RIMS1: variants seen among roughly 807,000 people sequenced by gnomAD.
RIMS1 encodes the protein regulating synaptic membrane exocytosis 1.
RIMS1 carries 83 observed loss-of-function variants against 214.1 expected under a neutral mutation model. That is an observed-to-expected ratio of 0.39 (90% confidence interval 0.32 to 0.47). RIMS1 has a LOEUF of 0.47. Ranked by LOEUF, RIMS1 falls within the 20% of genes least tolerant of loss-of-function variation. The probability of loss-of-function intolerance (pLI) is 0.99; values close to 1 mark genes in which losing one functional copy is unlikely to be tolerated. For synonymous variants in RIMS1, 793 were observed against 786.8 expected, an observed-to-expected ratio of 1.01 and a Z score of -0.13; for missense variants, 2,050 against 2,161.8, an observed-to-expected ratio of 0.95 and a Z score of 1.03.
chr6:72,320,869 C>T (rs981532953), intron 28 of RIMS1, among the ~76,000 whole-genome samples: 1 of 151,848 alleles, frequency 6.6e-6, no homozygotes, highest in African/African-American at 2.4e-5. Context: ...GATATATGTT[C>T]AATTTAAAGC....
At chr6:71,956,836 C>A (rs1224817057) in intron 1 of RIMS1, among the ~76,000 whole-genome samples, 1 of 152,150 alleles carries the variant, frequency 6.6e-6, no homozygotes, top group African/African-American at 2.4e-5. Context: ...TTCCCAAACA[C>A]CTGCTTGAAC....
At chr6:71,980,318 T>C (rs1798172846) in intron 2 of RIMS1, among the ~76,000 whole-genome samples, 1 of 152,140 alleles carries the variant, frequency 6.6e-6, no homozygotes, top group Admixed American at 6.6e-5. Flanking sequence ...TGCAGTGAAT[T>C]AATGTGTATT....
intron 7 of RIMS1, among the ~76,000 whole-genome samples, chr6:72,234,275 G>A (rs541944428): frequency 6.6e-6 from 1 of 152,038 alleles, no homozygotes; most frequent in South Asian, 2.1e-4. Context: ...ATAAGCCAAG[G>A]ATGGAGTCCA....
At chr6:72,049,665 G>C (rs186955264) in intron 2 of RIMS1, among the ~76,000 whole-genome samples, 1 of 152,088 alleles carries the variant, frequency 6.6e-6, no homozygotes, top group Non-Finnish European at 1.5e-5. Context: ...AAGACTTTGC[G>C]TATAATTTTT....
chr6:72,119,406 T>G (rs2037755772), intron 4 of RIMS1, among the ~76,000 whole-genome samples: 1 of 151,702 alleles, frequency 6.6e-6, no homozygotes. Context: ...ATCTACAGAT[T>G]TAGGGCAATT....
At position 72,362,775 on chromosome 6, in the gene RIMS1, C is replaced by A. The variant is rs947151027; in HGVS notation, c.4367-27823C>A. Reference sequence around the variant, plus strand: ...TTCATCTTTATTCATTTATTTATGTCATTTTCCCTATAGTTCAGTTGTTCA... The same window carrying A: ...TTCATCTTTATTCATTTATTTATGTAATTTTCCCTATAGTTCAGTTGTTCA... On this transcript the variant is annotated intron_variant, in intron 29 of 33. Coordinates refer to ENST00000521978, the MANE Select transcript of RIMS1 (RefSeq NM_014989.7). Among the ~76,000 whole-genome samples the A allele has an allele frequency of 7.5e-4, 114 of 152,142 alleles. 1 individual carries two copies. The highest frequency in any genetic ancestry group is 2.6e-3 in the African/African-American group (107 of 41,428).
chr6:72,180,981 G>C (rs2048331473), intron 5 of RIMS1, among the ~76,000 whole-genome samples: 1 of 152,192 alleles, frequency 6.6e-6, no homozygotes, highest in African/African-American at 2.4e-5. Flanking sequence ...GGCTTTCAGT[G>C]AATGTAGCTA....
intron 4 of RIMS1, among the ~76,000 whole-genome samples, chr6:72,166,653 A>G (rs995197166): frequency 6.6e-6 from 1 of 151,808 alleles, no homozygotes; most frequent in Non-Finnish European, 1.5e-5. Context: ...AGGTGGGAGG[A>G]TCACTTGAGC....
intron 4 of RIMS1, among the ~76,000 whole-genome samples, chr6:72,120,529 G>T (rs1434328252): frequency 1.3e-5 from 2 of 152,036 alleles, no homozygotes; most frequent in Non-Finnish European, 2.9e-5. Flanking sequence ...ATTTGTTAAA[G>T]TTCTTTGCAG....
chr6:72,386,321 T>C lies in RIMS1; in HGVS notation c.4367-4277T>C, dbSNP rs560766919. ...GAAACCTGTGTTAGATAATGCAAGA[T>C]AAGTCAGTTATTGACAGTCTGCACT... On this transcript the variant is annotated intron_variant, in intron 29 of 33. Transcript: ENST00000521978. Among the ~76,000 whole-genome samples, 21 of 152,358 alleles carry C rather than the reference T, an allele frequency of 1.4e-4. No individual in the cohort carries two copies. The East Asian group carries it at 3.7e-3, about 27-fold the overall frequency.
chr6:72,012,336 G>A (rs545175042), intron 2 of RIMS1, among the ~76,000 whole-genome samples: 2 of 152,100 alleles, frequency 1.3e-5, no homozygotes, highest in African/African-American at 2.4e-5. Flanking sequence ...GTTGTAGGGT[G>A]GGGGAAAGAG....
chr6:72,096,523 G>A (rs2031764097), intron 2 of RIMS1, among the ~76,000 whole-genome samples: 1 of 152,188 alleles, frequency 6.6e-6, no homozygotes, highest in African/African-American at 2.4e-5. Context: ...AGTTAGAATA[G>A]GATAGAAAAT....
chr6:71,950,857 A>G (rs1789255657), intron 1 of RIMS1, among the ~76,000 whole-genome samples: 1 of 152,190 alleles, frequency 6.6e-6, no homozygotes, highest in African/African-American at 2.4e-5. Context: ...AAAAAAAGGA[A>G]AACTCAAAAG....
At chr6:72,196,906 G>A (rs1182851000) in intron 6 of RIMS1, among the ~76,000 whole-genome samples, 1 of 151,980 alleles carries the variant, frequency 6.6e-6, no homozygotes, top group African/African-American at 2.4e-5. Context: ...TGAAGTGAGA[G>A]GGAGCACTTC....
intron 2 of RIMS1, among the ~76,000 whole-genome samples, chr6:72,014,056 C>T (rs1042422282): frequency 6.6e-6 from 1 of 152,128 alleles, no homozygotes; most frequent in African/African-American, 2.4e-5. Flanking sequence ...AAGACATACT[C>T]GAGACTGGGT....
At chr6:71,998,855 T>C (rs1193528890) in intron 2 of RIMS1, among the ~76,000 whole-genome samples, 1 of 152,192 alleles carries the variant, frequency 6.6e-6, no homozygotes. Context: ...AGAATAAATC[T>C]GTCAGATTCC....
chr6:72,149,071 A>G (rs1009187731), intron 4 of RIMS1, among the ~76,000 whole-genome samples: 1 of 151,908 alleles, frequency 6.6e-6, no homozygotes. Flanking sequence ...TGGAGGAAAG[A>G]AAAAAAACAG....
chr6:71,967,799 A>G (rs9446519), intron 1 of RIMS1, among the ~76,000 whole-genome samples: 5,257 of 152,282 alleles, frequency 0.035, 318 homozygotes, highest in African/African-American at 0.12. Flanking sequence ...TGATTTCGGC[A>G]TCTTACTGAC....
intron 1 of RIMS1, among the ~76,000 whole-genome samples, chr6:71,932,782 A>G (rs1179538834): frequency 6.6e-6 from 1 of 152,126 alleles, no homozygotes; most frequent in Non-Finnish European, 1.5e-5. Context: ...CCATGGTAAA[A>G]TTTTGTGGAG....
Sources: gnomAD v4.1 joint callset for allele counts (sites outside exome capture counted in the v4.1 genomes callset) on GRCh38, gnomAD v4.1.1 for gene constraint, MANE v1.5 for transcripts, NCBI Gene and HGNC (gene_info 2026-07-23, HGNC 2026-07-21) for gene names.